Variants in STYXL1 observed in about 807,000 individuals in gnomAD.
STYXL1 encodes serine/threonine/tyrosine-interacting-like protein 1.
A neutral mutation model predicts 36.4 loss-of-function variants in STYXL1; 32 were observed. The ratio of observed to expected loss-of-function variants is 0.88; its 90% CI spans 0.66 to 1.18. The LOEUF (loss-of-function observed/expected upper bound fraction) is 1.18, where lower values mean the gene tolerates loss of function less well. STYXL1 is among the 50% of genes most tolerant of loss of function. The probability of loss-of-function intolerance (pLI) is 0.00; values close to 1 mark genes in which losing one functional copy is unlikely to be tolerated. For synonymous variants in STYXL1, 133 were observed against 144.1 expected (o/e 0.92, Z 0.55); for missense variants, 354 against 394.1 (o/e 0.90, Z 0.86).
chr7:76,030,548 A>G, intron 1 of STYXL1, 21 bp from the exon 2 acceptor site: 2 of 1,420,240 alleles, frequency 1.4e-6, no homozygotes, highest in Non-Finnish European at 2.0e-6. Context: ...TCAATAACAC[A>G]CAAGGGTAAC....
At chr7:76,038,446 A>C (rs1554581266) in intron 1 of STYXL1, among the ~76,000 whole-genome samples, 1 of 107,698 alleles carries the variant, frequency 9.3e-6, no homozygotes. Flanking sequence ...TTTTCCTGAG[A>C]CGGAATCTTG....
intron 4 of STYXL1, among the ~76,000 whole-genome samples, chr7:76,017,328 T>A (rs1439612957): frequency 6.6e-6 from 1 of 151,912 alleles, no homozygotes; most frequent in Non-Finnish European, 1.5e-5. Flanking sequence ...CGGCCCCAGA[T>A]TGGATTTTTT....
At chr7:76,022,669 C>A (rs1297766096) in intron 3 of STYXL1, among the ~76,000 whole-genome samples, 1 of 150,994 alleles carries the variant, frequency 6.6e-6, no homozygotes, top group African/African-American at 2.4e-5. Context: ...TGTCCCAAAA[C>A]AACAACAACA....
chr7:76,030,000 T>C (rs1585302087), intron 2 of STYXL1, among the ~76,000 whole-genome samples: 3 of 149,312 alleles, frequency 2.0e-5, no homozygotes, highest in African/African-American at 7.4e-5. Context: ...TTCTTTTTTA[T>C]TTTTTTTTTT....
intron 5 of STYXL1, among the ~76,000 whole-genome samples, chr7:76,008,102 G>A (rs1192383593): frequency 2.0e-5 from 3 of 150,540 alleles, no homozygotes; most frequent in African/African-American, 4.9e-5. Context: ...GGGAGGCTGG[G>A]GCAGGAGAAT....
Position 75,996,498 on chromosome 7 carries a change from G to A in STYXL1, c.912C>T (p.Ser304=), listed in dbSNP as rs782240620. Residue 304 remains serine (S), a synonymous_variant, in exon 9 of 9, where the codon TCC becomes TCT. Coordinates refer to ENST00000359697, the MANE Select transcript of STYXL1 (RefSeq NM_001317785.2). ...LEWEKTILGD[S]ITNIMDPLY ...AGAGCGGATCCATGATGTTTGTGAT[G>A]GAATCTCCAAGGATAGTCTTCTCCC... 1 of 1,614,206 alleles carries A rather than the reference G, an allele frequency of 6.2e-7. No homozygotes were observed. Among genetic ancestry groups the A allele is most frequent in the South Asian group, 1.1e-5 (1 of 91,088 alleles).
At chr7:76,011,034 G>C (rs1382826172) in intron 5 of STYXL1, among the ~76,000 whole-genome samples, 1 of 152,100 alleles carries the variant, frequency 6.6e-6, no homozygotes, top group Non-Finnish European at 1.5e-5. Context: ...GGGGAACATA[G>C]CAAGACCCTG....
intron 2 of STYXL1, among the ~76,000 whole-genome samples, chr7:76,029,622 T>C (rs1795104396): frequency 1.3e-5 from 2 of 152,184 alleles, no homozygotes; most frequent in Admixed American, 6.6e-5. Context: ...TTGTAATATA[T>C]AATGAAATAA....
intron 4 of STYXL1, among the ~76,000 whole-genome samples, chr7:76,015,265 G>A (rs1554573483): frequency 6.6e-6 from 1 of 152,026 alleles, no homozygotes; most frequent in East Asian, 1.9e-4. Context: ...ACAGGAAAGG[G>A]GAAAGGACTC....
At chr7:76,017,105 T>C (rs1277721669) in intron 4 of STYXL1, among the ~76,000 whole-genome samples, 1 of 152,106 alleles carries the variant, frequency 6.6e-6, no homozygotes, top group Non-Finnish European at 1.5e-5. Context: ...CACTGCAACC[T>C]CCACCTCCCT....
intron 1 of STYXL1, among the ~76,000 whole-genome samples, chr7:76,043,133 T>C (rs1796633942): frequency 6.6e-6 from 1 of 152,188 alleles, no homozygotes; most frequent in African/African-American, 2.4e-5. Context: ...TACTCATTTA[T>C]TTTTATTTTA....
At chr7:75,996,862 A>G (rs1554564293) in intron 8 of STYXL1, among the ~76,000 whole-genome samples, 1 of 152,272 alleles carries the variant, frequency 6.6e-6, no homozygotes, top group African/African-American at 2.4e-5. Flanking sequence ...GGGAAGATTA[A>G]GACAATATAC....
intron 2 of STYXL1, among the ~76,000 whole-genome samples, chr7:76,028,930 C>A (rs1463200773): frequency 6.6e-6 from 1 of 151,988 alleles, no homozygotes; most frequent in Non-Finnish European, 1.5e-5. Flanking sequence ...TCAAGACCAG[C>A]CTGGCCAACA....
At chr7:76,016,139 T>C (rs1793280586) in intron 4 of STYXL1, among the ~76,000 whole-genome samples, 1 of 151,998 alleles carries the variant, frequency 6.6e-6, no homozygotes, top group Non-Finnish European at 1.5e-5. Context: ...TATCTATACA[T>C]ATGTACATGT....
At chr7:76,036,782 CTTTTT>C (rs71082378) in intron 1 of STYXL1, among the ~76,000 whole-genome samples, 1 of 101,614 alleles carries the variant, frequency 9.8e-6, no homozygotes. Context: ...CAGTATAGCT[CTTTTT>C]TTTTTTTTTT....
chr7:76,004,196 C>A (rs1443607538), intron 6 of STYXL1, among the ~76,000 whole-genome samples: 1 of 152,044 alleles, frequency 6.6e-6, no homozygotes, highest in Non-Finnish European at 1.5e-5. Flanking sequence ...CAGGTTCAAG[C>A]GATTCTCCTG....
At chr7:76,026,987 T>C (rs1554577910) in intron 3 of STYXL1, among the ~76,000 whole-genome samples, 1 of 151,652 alleles carries the variant, frequency 6.6e-6, no homozygotes, top group East Asian at 1.9e-4. Flanking sequence ...CATTTGAACC[T>C]GGGAGGCAGA....
intron 5 of STYXL1, among the ~76,000 whole-genome samples, chr7:76,009,645 G>A (rs1392716170): frequency 2.6e-5 from 4 of 152,174 alleles, no homozygotes; most frequent in African/African-American, 4.8e-5. Context: ...TCTTGACCTC[G>A]TGATCCGCCC....
At chr7:76,036,669 C>T (rs62475325) in intron 1 of STYXL1, among the ~76,000 whole-genome samples, 6,342 of 139,478 alleles carry the variant, frequency 0.045, 613 homozygotes, top group Middle Eastern at 0.085. Context: ...TTTTTTGAGC[C>T]ACCTCGCCAG....
Sources: allele counts gnomAD v4.1 joint callset (sites outside exome capture counted in the v4.1 genomes callset), GRCh38; gene constraint gnomAD v4.1.1; transcripts MANE v1.5; gene names NCBI Gene and HGNC (gene_info 2026-07-23, HGNC 2026-07-21).